The following SLC12A3 variants were observed in gnomAD, a reference collection of about 807,000 sequenced individuals.
SLC12A3 encodes solute carrier family 12 member 3, also known as Na-Cl cotransporter.
In SLC12A3, 104 loss-of-function variants were observed where a neutral mutation model predicts 121.0. That is an observed-to-expected ratio of 0.86 (90% CI 0.73 to 1.01). SLC12A3 has a LOEUF of 1.01. SLC12A3 is among the 50% of genes least tolerant of loss of function. The probability of loss-of-function intolerance (pLI) is 0.00; values close to 1 mark genes in which losing one functional copy is unlikely to be tolerated. For missense variants in SLC12A3, 1,328 were observed against 1,356.3 expected (o/e 0.98, Z 0.33); for synonymous variants, 536 against 533.4 (o/e 1.00, Z -0.07).
chr16:56,870,060 C>T (rs763197638), intron 4 of SLC12A3, 36 bp from the exon 5 acceptor site: 46 of 1,609,322 alleles, frequency 2.9e-5, no homozygotes, highest in Non-Finnish European at 3.7e-5. Flanking sequence ...CCAACCGACT[C>T]ATCTGGTTTC....
At chr16:56,873,768 G>A (rs1485536696) in intron 8 of SLC12A3, among the ~76,000 whole-genome samples, 2 of 137,486 alleles carry the variant, frequency 1.5e-5, no homozygotes, top group Non-Finnish European at 3.2e-5. Context: ...CTGGAGTGCA[G>A]TGGCACGATC....
intron 22 of SLC12A3, among the ~76,000 whole-genome samples, chr16:56,896,078 G>A (rs2055458268): frequency 6.6e-6 from 1 of 152,244 alleles, no homozygotes; most frequent in Non-Finnish European, 1.5e-5. Context: ...GTCAGTACCT[G>A]TTGGCAGCCC....
At chr16:56,887,296 C>T (rs1176154552) in intron 17 of SLC12A3, among the ~76,000 whole-genome samples, 3 of 152,062 alleles carry the variant, frequency 2.0e-5, no homozygotes, top group Non-Finnish European at 4.4e-5. Context: ...CCTCCGCCTC[C>T]CGGGTTCAAG....
intron 25 of SLC12A3, among the ~76,000 whole-genome samples, chr16:56,912,191 C>T (rs2055695158): frequency 6.6e-6 from 1 of 152,206 alleles, no homozygotes; most frequent in African/African-American, 2.4e-5. Flanking sequence ...GTGCTGGTGC[C>T]CCCACTTCAT....
chr16:56,871,276 A>AC (rs1307183120), intron 6 of SLC12A3, among the ~76,000 whole-genome samples: 3 of 152,128 alleles, frequency 2.0e-5, no homozygotes, highest in African/African-American at 7.2e-5. Flanking sequence ...GGTCCACCAT[A>AC]CCCACATCCC....
rs139908654 is a variant in SLC12A3 at position 56,910,389 on chromosome 16, G to T, written c.2925-2875G>T. ...CTTACTCTGTCACCCAGGCTAGAGA[G>T]CAGTAGTGAGATCTCAGCTCACTGC... On this transcript the variant is annotated intron_variant, in intron 25 of 25. Coordinates refer to ENST00000563236, the MANE Select transcript of SLC12A3 (RefSeq NM_001126108.2). Among the ~76,000 whole-genome samples, 5 of 152,250 alleles carry T rather than the reference G, an allele frequency of 3.3e-5. No individual in the cohort carries two copies. The South Asian group carries it at 1.0e-3, about 32-fold the overall frequency.
At position 56,868,329 on chromosome 16, in the gene SLC12A3, C is replaced by CCTCT; in HGVS notation, c.463_466dup (p.Tyr156SerfsTer104). The CCTCT allele has an allele frequency of 6.2e-7, 1 of 1,614,020 alleles. No individual in the cohort carries two copies. Among genetic ancestry groups the CCTCT allele is most frequent in the Non-Finnish European group, 8.5e-7 (1 of 1,179,992 alleles). On this transcript the variant is annotated frameshift_variant, in exon 3 of 26. Coordinates refer to ENST00000563236, the MANE Select transcript of SLC12A3 (RefSeq NM_001126108.2). LOFTEE classifies it high-confidence loss of function. ...GCATGCTCAACATTTGGGGCGTGAT[C>CCTCT]CTCTACCTGCGGCTGCCCTGGATTA...
intron 22 of SLC12A3, among the ~76,000 whole-genome samples, chr16:56,894,883 G>A (rs2055441297): frequency 6.6e-6 from 1 of 152,076 alleles, no homozygotes; most frequent in Non-Finnish European, 1.5e-5. Context: ...GATGCCCTAG[G>A]CTTTGCTACG....
Position 56,872,364 on chromosome 16 carries a change from T to A in SLC12A3, c.866T>A (p.Phe289Tyr), listed in dbSNP as rs1417958750. The change falls in exon 7 of 26, where the codon TTC becomes TAC. Residue 289 changes from phenylalanine (F) to tyrosine (Y), a missense_variant. Phe to Tyr is a conservative substitution (Grantham distance 22). Transcript: ENST00000563236. ...MEWESKAQVL[F>Y]FLVIMVSFAN... The stretch of plus-strand genomic sequence containing the variant: ...CGCCCCCTCCAGGCCCAGGTGCTGT[T>A]CTTCCTTGTCATCATGGTCTCCTTT... 6.2e-7 allele frequency: 1 copy of A among 1,613,902 alleles called. No individual in the cohort carries two copies. The highest frequency in any genetic ancestry group is 8.5e-7 in the Non-Finnish European group (1 of 1,179,874).
intron 1 of SLC12A3, 109 bp downstream of exon 1, chr16:56,865,626 G>A (rs368547737): frequency 6.2e-5 from 77 of 1,250,340 alleles, no homozygotes; most frequent in East Asian, 1.7e-4. Context: ...GGATGGAGGA[G>A]CGTCTTCTTC....
At chr16:56,880,607 G>A (rs1362923749) in intron 12 of SLC12A3, among the ~76,000 whole-genome samples, 1 of 152,156 alleles carries the variant, frequency 6.6e-6, no homozygotes, top group African/African-American at 2.4e-5. Context: ...AACACCTTTG[G>A]AGCATGGGAC....
chr16:56,900,939 T>C (rs1444839885), intron 23 of SLC12A3, among the ~76,000 whole-genome samples: 2 of 152,304 alleles, frequency 1.3e-5, no homozygotes, highest in Middle Eastern at 3.4e-3. Flanking sequence ...TTGCACTCTT[T>C]GTCGACCCCT....
chr16:56,892,081 A>C lies in SLC12A3; in HGVS notation c.2369-2A>C, dbSNP rs770038566. The C allele has an allele frequency of 6.2e-7, 1 of 1,612,672 alleles. No homozygotes were observed. The highest frequency in any genetic ancestry group is 1.3e-5 in the African/African-American group (1 of 75,000). On this transcript the variant is annotated splice_acceptor_variant, in intron 19 of 25. Transcript: ENST00000563236. LOFTEE classifies it high-confidence loss of function. ...TGAACAAAGCTGCCTCTTCTTTTGC[A>C]GTTAACCCCGTGTTTGACCCAGCGG...
intron 6 of SLC12A3, among the ~76,000 whole-genome samples, chr16:56,871,451 A>C (rs1480756497): frequency 4.6e-5 from 7 of 152,214 alleles, no homozygotes; most frequent in African/African-American, 1.7e-4. Flanking sequence ...TCCTGCTGGC[A>C]GACTCAGCCG....
At chr16:56,906,752 C>A (rs1596956258) in intron 25 of SLC12A3, 1 of 724,526 alleles carries the variant, frequency 1.4e-6, no homozygotes. Context: ...CTAGCTTTGG[C>A]ATGATTTATG....
At chr16:56,868,438 A>G (rs1283034127) in intron 3 of SLC12A3, 66 bp downstream of exon 3, 1 of 1,474,910 alleles carries the variant, frequency 6.8e-7, no homozygotes, top group Non-Finnish European at 9.3e-7. Flanking sequence ...AGCTTGCCTG[A>G]ATCCTGTTCT....
At position 56,878,338 on chromosome 16, in the gene SLC12A3, G is replaced by A. The variant is rs771284903; in HGVS notation, c.1180+177G>A. ...GATGTGAAGCCTTGAACCTATCTCT[G>A]GGGTATCTTGGCAATGATCAGAGCA... is the stretch of plus-strand genomic sequence containing the variant. On this transcript the variant is annotated intron_variant, in intron 9 of 25. Transcript: ENST00000563236. Among the ~76,000 whole-genome samples the A allele has an allele frequency of 2.0e-5, 3 of 152,080 alleles. 1 individual carries two copies. Among genetic ancestry groups the A allele is most frequent in the Non-Finnish European group, 4.4e-5 (3 of 68,020 alleles).
intron 24 of SLC12A3, 172 bp from the exon 25 acceptor site, chr16:56,904,223 T>G: frequency 1.5e-6 from 1 of 663,918 alleles, no homozygotes; most frequent in Non-Finnish European, 2.8e-6. Context: ...TCCATTACTC[T>G]GAGGGTCCCC....
chr16:56,902,315 C>G (rs1314256458), intron 23 of SLC12A3, 58 bp from the exon 24 acceptor site: 1 of 1,609,272 alleles, frequency 6.2e-7, no homozygotes, highest in Admixed American at 1.7e-5. Context: ...AGGGACCTGG[C>G]ACCCCTAGAA....
Sources: gnomAD v4.1 joint callset for allele counts (sites outside exome capture counted in the v4.1 genomes callset) on GRCh38, gnomAD v4.1.1 for gene constraint, MANE v1.5 for transcripts, NCBI Gene and HGNC (gene_info 2026-07-23, HGNC 2026-07-21) for gene names.